The following FNDC3B variants were observed in gnomAD, a reference collection of about 807,000 sequenced individuals.
The protein encoded by FNDC3B is fibronectin type III domain containing 3B.
FNDC3B carries 12 observed loss-of-function variants against 151.5 expected under a neutral mutation model. The ratio of observed to expected loss-of-function variants is 0.08; its 90% CI spans 0.05 to 0.13. The LOEUF is 0.13. FNDC3B is among the 10% of genes least tolerant of loss of function. The pLI is 1.00. For missense variants in FNDC3B, 1,214 were observed against 1,505.3 expected, an observed-to-expected ratio of 0.81 and a Z score of 3.20; for synonymous variants, 528 against 549.0, an observed-to-expected ratio of 0.96 and a Z score of 0.54.
intron 6 of FNDC3B, among the ~76,000 whole-genome samples, chr3:172,279,835 A>G (rs754721019): frequency 1.3e-5 from 2 of 152,166 alleles, no homozygotes; most frequent in Non-Finnish European, 2.9e-5. Flanking sequence ...AGCATAAGTA[A>G]TATTTCAAAA....
In FNDC3B at chr3:172,201,240, C is replaced by T. The variant is rs547943305; in HGVS notation, c.188-25631C>T. Among the ~76,000 whole-genome samples the T allele has an allele frequency of 3.3e-5, 5 of 152,278 alleles. No individual in the cohort carries two copies. The South Asian group carries it at 1.0e-3, about 32-fold the overall frequency. ...GAATGGCTGGGTTCTGGCATGGTGC[C>T]CTCTCACGAAAGCTGCAGCCCCAGT... On this transcript the variant is annotated intron_variant, in intron 3 of 25. Transcript: ENST00000415807.
At chr3:172,338,653 G>C (rs1039438591) in intron 16 of FNDC3B, among the ~76,000 whole-genome samples, 1 of 152,194 alleles carries the variant, frequency 6.6e-6, no homozygotes, top group Non-Finnish European at 1.5e-5. Flanking sequence ...ATAGAGAAAA[G>C]TATAGTCTTC....
intron 6 of FNDC3B, among the ~76,000 whole-genome samples, chr3:172,253,533 T>C (rs1178315224): frequency 6.6e-6 from 1 of 152,206 alleles, no homozygotes; most frequent in Non-Finnish European, 1.5e-5. Context: ...TTACTGCGGC[T>C]GACATCTAAA....
intron 11 of FNDC3B, among the ~76,000 whole-genome samples, chr3:172,324,140 T>C (rs1732226190): frequency 6.6e-6 from 1 of 152,098 alleles, no homozygotes; most frequent in African/African-American, 2.4e-5. Context: ...GTGTCTAGAA[T>C]GTGGATAATA....
At chr3:172,289,224 T>C (rs1316707721) in intron 7 of FNDC3B, among the ~76,000 whole-genome samples, 1 of 152,214 alleles carries the variant, frequency 6.6e-6, no homozygotes, top group Non-Finnish European at 1.5e-5. Context: ...CTTGGCTTTG[T>C]CTGCAAAGTC....
At chr3:172,202,084 AG>A (rs541809218) in intron 3 of FNDC3B, among the ~76,000 whole-genome samples, 1 of 152,216 alleles carries the variant, frequency 6.6e-6, no homozygotes, top group Non-Finnish European at 1.5e-5. Flanking sequence ...GCTCCTTAAA[AG>A]GCAACTGCAG....
At chr3:172,134,845 A>G (rs1721282230) in intron 3 of FNDC3B, among the ~76,000 whole-genome samples, 2 of 152,156 alleles carry the variant, frequency 1.3e-5, no homozygotes, top group South Asian at 4.1e-4. Context: ...TAGTCGATGC[A>G]CAATATGGGG....
intron 4 of FNDC3B, chr3:172,227,287 G>A (rs1163619864): frequency 1.0e-5 from 2 of 190,810 alleles, no homozygotes; most frequent in East Asian, 2.6e-4. Context: ...CATAGATGTA[G>A]TTAGTTAACA....
chr3:172,353,902 T>C (rs1233824492), intron 22 of FNDC3B, among the ~76,000 whole-genome samples: 1 of 151,868 alleles, frequency 6.6e-6, no homozygotes, highest in African/African-American at 2.4e-5. Flanking sequence ...GCTTTGAAGA[T>C]ACCATTTTAG....
chr3:172,286,780 C>T (rs1031624228), intron 7 of FNDC3B, among the ~76,000 whole-genome samples: 8 of 152,080 alleles, frequency 5.3e-5, no homozygotes, highest in African/African-American at 1.9e-4. Flanking sequence ...AGCAGGCTGC[C>T]ACTGGGGGTT....
At chr3:172,265,166 T>G (rs1163079889) in intron 6 of FNDC3B, among the ~76,000 whole-genome samples, 1 of 152,240 alleles carries the variant, frequency 6.6e-6, no homozygotes, top group Non-Finnish European at 1.5e-5. Flanking sequence ...TTTCTATAGA[T>G]CAAAAATAGT....
At position 172,399,980 on chromosome 3, in the gene FNDC3B, A is replaced by G. The variant is rs141181816; in HGVS notation, c.*2505A>G. On this transcript the variant is annotated 3_prime_UTR_variant, in exon 26 of 26. Coordinates refer to ENST00000415807, the MANE Select transcript of FNDC3B (RefSeq NM_022763.4). ...ACAGCACTTTATTTTATTGCTCTCC[A>G]TTATTTGGTATTCATTATATTCCTT... The G allele has an allele frequency of 6.5e-6, 1 of 152,722 alleles. No individual in the cohort carries two copies. Among genetic ancestry groups the G allele is most frequent in the African/African-American group, 2.4e-5 (1 of 41,552 alleles). The allele number at this position is 152,722 out of a possible 1,614,324, so 9.5% of individuals were successfully genotyped here.
At chr3:172,089,806 A>G (rs1255421862) in intron 1 of FNDC3B, among the ~76,000 whole-genome samples, 3 of 152,224 alleles carry the variant, frequency 2.0e-5, no homozygotes, top group Admixed American at 6.5e-5. Context: ...GTGGAAAACT[A>G]TGTATCTAGG....
chr3:172,042,107 T>G (rs1047532765), intron 1 of FNDC3B, among the ~76,000 whole-genome samples: 5 of 152,238 alleles, frequency 3.3e-5, no homozygotes, highest in African/African-American at 1.2e-4. Flanking sequence ...AAGGATAGCG[T>G]TCATTTAAAA....
At chr3:172,190,746 G>A (rs1017300584) in intron 3 of FNDC3B, among the ~76,000 whole-genome samples, 2 of 152,210 alleles carry the variant, frequency 1.3e-5, no homozygotes, top group South Asian at 4.1e-4. Flanking sequence ...TTGGCTCACC[G>A]CAACCTCCAC....
intron 3 of FNDC3B, among the ~76,000 whole-genome samples, chr3:172,224,009 T>A (rs1479268195): frequency 6.6e-6 from 1 of 152,244 alleles, no homozygotes; most frequent in Non-Finnish European, 1.5e-5. Flanking sequence ...GCTAAGTGAA[T>A]TGTTCAAGGT....
intron 2 of FNDC3B, 35 bp downstream of exon 2, chr3:172,112,625 G>C: frequency 7.4e-7 from 1 of 1,354,266 alleles, no homozygotes; most frequent in Non-Finnish European, 1.1e-6. Context: ...AAGTCAAATT[G>C]TCTAAGTGGG....
At chr3:172,124,181 C>T (rs1176915197) in intron 2 of FNDC3B, among the ~76,000 whole-genome samples, 1 of 152,160 alleles carries the variant, frequency 6.6e-6, no homozygotes. Context: ...ACCTCTGCCT[C>T]CCTGGTTCAA....
chr3:172,057,276 G>A (rs1350289975), intron 1 of FNDC3B, among the ~76,000 whole-genome samples: 1 of 152,178 alleles, frequency 6.6e-6, no homozygotes, highest in African/African-American at 2.4e-5. Flanking sequence ...ACTGCAGACA[G>A]CATCCTTCAT....
Sources: gnomAD v4.1 joint callset for allele counts (sites outside exome capture counted in the v4.1 genomes callset) on GRCh38, gnomAD v4.1.1 for gene constraint, MANE v1.5 for transcripts, NCBI Gene and HGNC (gene_info 2026-07-23, HGNC 2026-07-21) for gene names.